The following GIT1 variants were observed in gnomAD, a reference collection of about 807,000 sequenced individuals.
GIT1 encodes GIT ArfGAP 1, also known as ARF GTPase-activating protein GIT1.
A neutral mutation model predicts 91.7 loss-of-function variants in GIT1; 14 were observed. The ratio of observed to expected loss-of-function variants is 0.15; its 90% CI spans 0.10 to 0.24. The LOEUF (loss-of-function observed/expected upper bound fraction) is 0.24, where lower values mean the gene tolerates loss of function less well. Among genes scored for constraint, GIT1 ranks in the 10% least tolerant of loss-of-function variants. The probability of loss-of-function intolerance (pLI) is 1.00; values close to 1 mark genes in which losing one functional copy is unlikely to be tolerated. For missense variants in GIT1, 717 were observed against 1,024.9 expected, an observed-to-expected ratio of 0.70 and a Z score of 4.10; for synonymous variants, 414 against 418.2, an observed-to-expected ratio of 0.99 and a Z score of 0.12.
Position 29,589,456 on chromosome 17 carries a change from C to A in GIT1, c.-78G>T. 2.0e-6 allele frequency: 1 copy of A among 502,670 alleles called. No homozygotes were observed. The highest frequency in any genetic ancestry group is 8.0e-5 in the South Asian group (1 of 12,548). 31.1% of individuals were successfully genotyped at this position (502,670 alleles called of 1,614,324 possible). A position where few individuals can be genotyped will look rare whatever the true frequency, so the allele number is the denominator to read the frequency against. ...GGCGGGCCCGGGCGGCGGCGGCGGC[C>A]CCTGCTGCCCGGCCCGGCTCCGGCG... is the stretch of plus-strand genomic sequence containing the variant. On this transcript the variant is annotated 5_prime_UTR_variant, in exon 1 of 20. Coordinates refer to ENST00000225394, the MANE Select transcript of GIT1 (RefSeq NM_014030.4). This position sits in a 1 kb window ranked among gnomAD's most constrained non-coding sequence, Gnocchi z 5.2.
Position 29,581,943 on chromosome 17 carries a change from G to A in GIT1, c.607C>T (p.Pro203Ser), listed in dbSNP as rs747900408. Residue 203 changes from proline to serine, a missense_variant, in exon 5 of 20, where the codon CCC (proline) becomes TCC (serine). This residue lies in a region of GIT1 where 271 missense variants were observed against 451.6 expected (regional missense o/e 0.60). Coordinates refer to ENST00000225394, the MANE Select transcript of GIT1 (RefSeq NM_014030.4). This position sits in a 1 kb window ranked among gnomAD's most constrained non-coding sequence, Gnocchi z 4.8. ...GACCCTCACCTGGCATAGTCAATGG[G>A]TGTGCGGCCATTAACATCAGGGGAG... The part of the protein sequence containing the change: ...PGSPDVNGRT[P>S]IDYARQAGHH... 6.2e-7 allele frequency: 1 copy of A among 1,612,778 alleles called. No homozygotes were observed. Among genetic ancestry groups the A allele is most frequent in the Admixed American group, 1.7e-5 (1 of 60,024 alleles).
At chr17:29,586,708 C>T (rs2033604217) in intron 1 of GIT1, among the ~76,000 whole-genome samples, 1 of 152,208 alleles carries the variant, frequency 6.6e-6, no homozygotes, top group Non-Finnish European at 1.5e-5. Flanking sequence ...CCCAGGGTTG[C>T]CAAAGTGGAA....
intron 2 of GIT1, 122 bp downstream of exon 2, chr17:29,583,361 G>T (rs2033468971): frequency 4.0e-6 from 4 of 992,490 alleles, no homozygotes; most frequent in Admixed American, 2.1e-5. Flanking sequence ...GCCCTAGGGG[G>T]GTGCTGCCCC....
At position 29,589,336 on chromosome 17, in the gene GIT1, T is replaced by C; in HGVS notation, c.43A>G (p.Ser15Gly). 9.4e-7 allele frequency: 1 copy of C among 1,069,428 alleles called. No homozygotes were observed. Among genetic ancestry groups the C allele is most frequent in the Non-Finnish European group, 1.1e-6 (1 of 877,440 alleles). The allele number at this position is 1,069,428 out of a possible 1,614,324, so 66.2% of individuals were successfully genotyped here. The stretch of plus-strand genomic sequence containing the variant: ...GCCCCGCCGCGCTTACCCGGGGCGC[T>C]GCAGTCCGCACACACCTCCGCTCGC... ...GPRAEVCADC[S>G]APDPGWASIS... The change falls in exon 1 of 20, where the codon AGC becomes GGC. Residue 15 changes from serine (S) to glycine (G), a missense_variant. Ser to Gly is a moderately conservative substitution (Grantham distance 56, BLOSUM62 0). This residue lies in a region of GIT1 where 271 missense variants were observed against 451.6 expected (regional missense o/e 0.60). Coordinates refer to ENST00000225394, the MANE Select transcript of GIT1 (RefSeq NM_014030.4). This position sits in a 1 kb window ranked among gnomAD's most constrained non-coding sequence, Gnocchi z 5.2.
Position 29,576,860 on chromosome 17 carries a change from G to T in GIT1, c.1227+3C>A. 6.3e-7 allele frequency: 1 copy of T among 1,575,980 alleles called. No homozygotes were observed. The highest frequency in any genetic ancestry group is 1.3e-5 in the African/African-American group (1 of 74,522). ...GGAGTGGGAAGGAGGGTGGGACTCA[G>T]ACCCGGGCCCGGTTGCTCCGAGTGG... On this transcript the variant is annotated splice_donor_region_variant and intron_variant, in intron 12 of 19. Coordinates refer to ENST00000225394, the MANE Select transcript of GIT1 (RefSeq NM_014030.4).
chr17:29,576,157 CATG>C, intron 14 of GIT1, 26 bp from the exon 15 acceptor site: 1 of 1,612,864 alleles, frequency 6.2e-7, no homozygotes, highest in South Asian at 1.1e-5. Flanking sequence ...CAGCGAGCGT[CATG>C]GTGGACCCTG....
In GIT1 at chr17:29,576,280, C is replaced by T. The variant is rs1487881245; in HGVS notation, c.1551G>A (p.Lys517=). The T allele has an allele frequency of 6.2e-7, 1 of 1,612,184 alleles. No homozygotes were observed. Among genetic ancestry groups the T allele is most frequent in the African/African-American group, 1.3e-5 (1 of 74,930 alleles). ...CGTCCCCAGGGGGGCCCCCAAAGGG[C>T]TTCAGGGCAGAGCCAGGTTCATACA... The part of the protein sequence containing the change: ...FSMYEPGSAL[K]PFGGPPGDEL... Residue 517 remains lysine (K), a synonymous_variant, in exon 14 of 20, where the codon AAG becomes AAA. Coordinates refer to ENST00000225394, the MANE Select transcript of GIT1 (RefSeq NM_014030.4).
Position 29,573,593 on chromosome 17 carries a change from G to A in GIT1, c.*1109C>T, listed in dbSNP as rs1034998685. On this transcript the variant is annotated 3_prime_UTR_variant, in exon 20 of 20. Coordinates refer to ENST00000225394, the MANE Select transcript of GIT1 (RefSeq NM_014030.4). Reference sequence around the variant, plus strand: ...GAAGCGGGATGGGGAGAGAGCTGGTGGGTCCCACCGTCTGCCTCTCCAGCC... The same window carrying A: ...GAAGCGGGATGGGGAGAGAGCTGGTAGGTCCCACCGTCTGCCTCTCCAGCC... 2.0e-5 allele frequency: 3 copies of A among 152,558 alleles called. No homozygotes were observed. Among genetic ancestry groups the A allele is most frequent in the Non-Finnish European group, 2.9e-5 (2 of 68,128 alleles). 9.5% of individuals were successfully genotyped at this position (152,558 alleles called of 1,614,324 possible).
In GIT1 at chr17:29,581,300, C is replaced by G; in HGVS notation, c.761+38G>C. On this transcript the variant is annotated intron_variant, in intron 7 of 19. Transcript: ENST00000225394. This position sits in a 1 kb window ranked among gnomAD's most constrained non-coding sequence, Gnocchi z 4.8. ...GGGGGTCAGCCACCCACATGGCATC[C>G]AACAGCCTCTGGAAAGGGGCATCAG... 1 of 1,556,644 alleles carries G rather than the reference C, an allele frequency of 6.4e-7. No homozygotes were observed. The highest frequency in any genetic ancestry group is 8.9e-7 in the Non-Finnish European group (1 of 1,128,260).
Position 29,589,492 on chromosome 17 carries a change from G to T in GIT1, c.-114C>A. ...GGCCCGGCTCCGGCGAGGCCCCGGCGAGGCTCCGCGCGCCCGGCCAACCGT... is the reference window on the plus strand; with the variant it reads ...GGCCCGGCTCCGGCGAGGCCCCGGCTAGGCTCCGCGCGCCCGGCCAACCGT... On this transcript the variant is annotated 5_prime_UTR_variant, in exon 1 of 20. Coordinates refer to ENST00000225394, the MANE Select transcript of GIT1 (RefSeq NM_014030.4). The surrounding 1 kb of genome is among the most constrained non-coding windows in gnomAD (Gnocchi z 5.2). The T allele has an allele frequency of 3.6e-6, 1 of 280,814 alleles. No homozygotes were observed. Among genetic ancestry groups the T allele is most frequent in the South Asian group, 1.3e-4 (1 of 7,958 alleles). 17.4% of individuals were successfully genotyped at this position (280,814 alleles called of 1,614,324 possible). A position where few individuals can be genotyped will look rare whatever the true frequency, so the allele number is the denominator to read the frequency against.
In GIT1 at chr17:29,578,775, C is replaced by A; in HGVS notation, c.766G>T (p.Asp256Tyr). 1 of 1,614,020 alleles carries A rather than the reference C, an allele frequency of 6.2e-7. No individual in the cohort carries two copies. The highest frequency in any genetic ancestry group is 1.1e-5 in the South Asian group (1 of 91,064). ...GCAGCTTTGGCCAATTCGGATAAGT[C>A]AAGGCTGAGGGCAGAGGGAGATGGG... ...YIIPQMADSL[D>Y]LSELAKAAKK... The change falls in exon 8 of 20, where the codon GAC (aspartate) becomes TAC (tyrosine). Residue 256 changes from aspartate to tyrosine, a missense_variant. This residue lies in a region of GIT1 where 271 missense variants were observed against 451.6 expected (regional missense o/e 0.60). Transcript: ENST00000225394.
Position 29,576,262 on chromosome 17 carries a change from AG to A in GIT1, c.1568del (p.Pro523LeufsTer17). On this transcript the variant is annotated frameshift_variant, in exon 14 of 20. Coordinates refer to ENST00000225394, the MANE Select transcript of GIT1 (RefSeq NM_014030.4). LOFTEE classifies it high-confidence loss of function. ...GSALKPFGGPPGDELTTRLQP... is the reference protein window; with the variant it reads ...GSALKPFGGPXGDELTTRLQP... Reference sequence around the variant, plus strand: ...GCAGCCGCGTAGTGAGCTCGTCCCCAGGGGGGCCCCCAAAGGGCTTCAGGGC... The same window carrying A: ...GCAGCCGCGTAGTGAGCTCGTCCCCAGGGGGCCCCCAAAGGGCTTCAGGGC... 6.2e-7 allele frequency: 1 copy of A among 1,610,124 alleles called. No homozygotes were observed. The highest frequency in any genetic ancestry group is 8.5e-7 in the Non-Finnish European group (1 of 1,177,664).
In GIT1 at chr17:29,576,349, C is replaced by T. The variant is rs140990968; in HGVS notation, c.1482G>A (p.Ala494=). Residue 494 remains alanine, a synonymous_variant, in exon 14 of 20, where the codon GCG becomes GCA. Coordinates refer to ENST00000225394, the MANE Select transcript of GIT1 (RefSeq NM_014030.4). ...CCCTGCGGTGTGTGCTCCCGCCTGG[C>T]GCCATGGGTGTGTGTTCCGCCCGTT... The part of the protein sequence containing the change: ...PSERAEHTPM[A]PGGSTHRRDR... 3.8e-5 allele frequency: 61 copies of T among 1,613,330 alleles called. No individual in the cohort carries two copies. The East Asian group carries it at 4.9e-4, about 13-fold the overall frequency.
Position 29,581,696 on chromosome 17 carries a change from C to T in GIT1, c.718+46G>A, listed in dbSNP as rs1440059977. On this transcript the variant is annotated intron_variant, in intron 6 of 19. Coordinates refer to ENST00000225394, the MANE Select transcript of GIT1 (RefSeq NM_014030.4). This position sits in a 1 kb window ranked among gnomAD's most constrained non-coding sequence, Gnocchi z 4.8. ...TGCGTCCAGGTCCCACCTGCCCAGC[C>T]CCAGCCAGGCCTGTCACAGCCAGGC... 1.3e-6 allele frequency: 2 copies of T among 1,498,044 alleles called. No individual in the cohort carries two copies. Among genetic ancestry groups the T allele is most frequent in the South Asian group, 2.3e-5 (2 of 88,502 alleles). 92.8% of individuals were successfully genotyped at this position (1,498,044 alleles called of 1,614,324 possible).
In GIT1 at chr17:29,589,460, G is replaced by A. The variant is rs1598586081; in HGVS notation, c.-82C>T. ...GGCCCGGGCGGCGGCGGCGGCCCCT[G>A]CTGCCCGGCCCGGCTCCGGCGAGGC... On this transcript the variant is annotated 5_prime_UTR_variant, in exon 1 of 20. Transcript: ENST00000225394. The surrounding 1 kb of genome is among the most constrained non-coding windows in gnomAD (Gnocchi z 5.2). The A allele has an allele frequency of 2.1e-6, 1 of 479,852 alleles. No individual in the cohort carries two copies. The highest frequency in any genetic ancestry group is 2.7e-6 in the Non-Finnish European group (1 of 370,104). 29.7% of individuals were successfully genotyped at this position (479,852 alleles called of 1,614,324 possible).
chr17:29,586,459 C>G (rs1471201110), intron 1 of GIT1, among the ~76,000 whole-genome samples: 1 of 152,118 alleles, frequency 6.6e-6, no homozygotes, highest in Non-Finnish European at 1.5e-5. Context: ...ATGATCAGAG[C>G]AGTAGTTACA....
Position 29,573,712 on chromosome 17 carries a change from G to A in GIT1, c.*990C>T, listed in dbSNP as rs572690502. ...TGGGTGCTGGCCTTGCAGAGGTTAC[G>A]GGGAGGGGACTCAGCTCCACAGCCA... On this transcript the variant is annotated 3_prime_UTR_variant, in exon 20 of 20. Transcript: ENST00000225394. 5.6e-4 allele frequency: 86 copies of A among 152,740 alleles called. No homozygotes were observed. The highest frequency in any genetic ancestry group is 1.9e-3 in the African/African-American group (79 of 41,582). The allele number at this position is 152,740 out of a possible 1,614,324, so 9.5% of individuals were successfully genotyped here. A position where few individuals can be genotyped will look rare whatever the true frequency, so the allele number is the denominator to read the frequency against.
intron 1 of GIT1, among the ~76,000 whole-genome samples, chr17:29,587,799 C>A (rs2033640199): frequency 6.6e-6 from 1 of 152,180 alleles, no homozygotes; most frequent in Non-Finnish European, 1.5e-5. Flanking sequence ...AAGCCCCAGA[C>A]TCCCCCGATT....
At position 29,575,540 on chromosome 17, in the gene GIT1, G is replaced by A. The variant is rs1471872246; in HGVS notation, c.1827-70C>T. 4.5e-6 allele frequency: 7 copies of A among 1,555,250 alleles called. No individual in the cohort carries two copies. Among genetic ancestry groups the A allele is most frequent in the South Asian group, 3.4e-5 (3 of 87,544 alleles). ...AAAGACACGTTCCAGCCTCGGAGCC[G>A]CCCGCCTTGGTCCTCACACACTGGG... On this transcript the variant is annotated intron_variant, in intron 17 of 19. Coordinates refer to ENST00000225394, the MANE Select transcript of GIT1 (RefSeq NM_014030.4). The surrounding 1 kb of genome is among the most constrained non-coding windows in gnomAD (Gnocchi z 5.5).
Sources: allele counts gnomAD v4.1 joint callset (sites outside exome capture counted in the v4.1 genomes callset), GRCh38; gene constraint gnomAD v4.1.1; regional missense constraint gnomAD v4.1.1; non-coding constraint Gnocchi (gnomAD v3.1); transcripts MANE v1.5; gene names NCBI Gene and HGNC (gene_info 2026-07-23, HGNC 2026-07-21).